The following ROBO2 variants were observed in gnomAD, a reference collection of about 807,000 sequenced individuals.
The protein encoded by ROBO2 is roundabout homolog 2.
In ROBO2, 53 loss-of-function variants were observed where a neutral mutation model predicts 160.8. The observed-to-expected ratio is 0.33, with a 90% CI of 0.26 to 0.41. The LOEUF is 0.41. Ranked by LOEUF, ROBO2 falls within the 10% of genes least tolerant of loss-of-function variation. The probability of loss-of-function intolerance (pLI) is 1.00; values close to 1 mark genes in which losing one functional copy is unlikely to be tolerated. For missense variants in ROBO2, 1,577 were observed against 1,722.4 expected (o/e 0.92, Z 1.49); for synonymous variants, 664 against 611.7 (o/e 1.09, Z -1.26).
At chr3:76,834,015 T>TTTCTTTCTCTCTTTTCC (rs1229096396) in intron 2 of ROBO2, among the ~76,000 whole-genome samples, 11 of 138,746 alleles carry the variant, frequency 7.9e-5, no homozygotes, top group Admixed American at 7.9e-4. Flanking sequence ...CTTTCTTTCC[T>TTTCTTTCTCTCTTTTCC]TTCTTTCTTT....
At chr3:77,041,104 T>C (rs1578452828) in intron 1 of ROBO2, among the ~76,000 whole-genome samples, 1 of 152,330 alleles carries the variant, frequency 6.6e-6, no homozygotes, top group Non-Finnish European at 1.5e-5. Flanking sequence ...AGTTGGATAA[T>C]AAATGATTGG....
intron 21 of ROBO2, among the ~76,000 whole-genome samples, chr3:77,616,649 C>G (rs2094784678): frequency 6.6e-6 from 1 of 151,932 alleles, no homozygotes; most frequent in Non-Finnish European, 1.5e-5. Flanking sequence ...TTTATCTTTT[C>G]CTTGTCTGTG....
intron 2 of ROBO2, among the ~76,000 whole-genome samples, chr3:77,237,086 T>A (rs1228708583): frequency 1.3e-5 from 2 of 152,026 alleles, no homozygotes; most frequent in African/African-American, 4.8e-5. Flanking sequence ...TTGGCCAGGC[T>A]CTTCTCCAAT....
intron 6 of ROBO2, among the ~76,000 whole-genome samples, chr3:77,543,913 A>G (rs9309771): frequency 0.54 from 81,720 of 151,896 alleles, 22,082 homozygotes; most frequent in Middle Eastern, 0.68. Flanking sequence ...GATTTTGACC[A>G]AACTGAGTTT....
At chr3:76,969,553 T>C (rs1464382511) in intron 2 of ROBO2, among the ~76,000 whole-genome samples, 1 of 152,190 alleles carries the variant, frequency 6.6e-6, no homozygotes, top group African/African-American at 2.4e-5. Flanking sequence ...AGAAGAGATT[T>C]GTTAAAAATA....
intron 2 of ROBO2, among the ~76,000 whole-genome samples, chr3:76,510,169 T>G (rs1312523277): frequency 6.6e-6 from 1 of 152,172 alleles, no homozygotes; most frequent in Admixed American, 6.5e-5. Context: ...GCTTATTCTC[T>G]ACTTTGTGGT....
intron 2 of ROBO2, among the ~76,000 whole-genome samples, chr3:76,426,258 A>G (rs1464421059): frequency 6.6e-6 from 1 of 152,194 alleles, no homozygotes; most frequent in Admixed American, 6.5e-5. Context: ...ATCCTGGAGT[A>G]CAGCACCTCT....
At chr3:76,113,399 A>G (rs896097777) in intron 2 of ROBO2, among the ~76,000 whole-genome samples, 1 of 152,098 alleles carries the variant, frequency 6.6e-6, no homozygotes, top group Non-Finnish European at 1.5e-5. Context: ...TTGAAGACAG[A>G]GGTCTTTATC....
intron 2 of ROBO2, among the ~76,000 whole-genome samples, chr3:77,248,001 C>T (rs1182336385): frequency 1.3e-5 from 2 of 152,126 alleles, no homozygotes; most frequent in Non-Finnish European, 2.9e-5. Context: ...CCCACAGCCC[C>T]ACCCCACCCC....
At chr3:76,594,835 C>T (rs2086640297) in intron 2 of ROBO2, among the ~76,000 whole-genome samples, 1 of 151,986 alleles carries the variant, frequency 6.6e-6, no homozygotes, top group Non-Finnish European at 1.5e-5. Context: ...TGTAGCATTA[C>T]AGCTAAAAAG....
At chr3:76,132,805 A>G (rs2071278587) in intron 2 of ROBO2, among the ~76,000 whole-genome samples, 1 of 152,110 alleles carries the variant, frequency 6.6e-6, no homozygotes, top group African/African-American at 2.4e-5. Flanking sequence ...TTTTTCTTAT[A>G]TGTGAATAAG....
At chr3:76,037,260 CTT>C (rs5850229) in intron 2 of ROBO2, among the ~76,000 whole-genome samples, 26 of 137,108 alleles carry the variant, frequency 1.9e-4, no homozygotes, top group Admixed American at 2.9e-4. Context: ...TTTCTTTTTT[CTT>C]TTTTTTTTTT....
intron 2 of ROBO2, among the ~76,000 whole-genome samples, chr3:76,628,664 A>G (rs2089830901): frequency 1.3e-5 from 2 of 152,132 alleles, no homozygotes; most frequent in Non-Finnish European, 2.9e-5. Flanking sequence ...GTTATCTGAT[A>G]TGCTTCTCTT....
intron 6 of ROBO2, 31 bp downstream of exon 7, chr3:77,527,445 T>C: frequency 7.8e-7 from 1 of 1,280,768 alleles, no homozygotes; most frequent in Non-Finnish European, 1.0e-6. Context: ...CCACTAAGCA[T>C]GGCTTTGCAC....
At chr3:76,073,357 G>T (rs6795962) in intron 2 of ROBO2, among the ~76,000 whole-genome samples, 9,407 of 123,816 alleles carry the variant, frequency 0.076, 808 homozygotes, top group African/African-American at 0.22. Flanking sequence ...GCAGGGGCGC[G>T]ATCTGGGCTC....
intron 2 of ROBO2, among the ~76,000 whole-genome samples, chr3:76,935,008 A>G (rs886300192): frequency 6.8e-6 from 1 of 146,952 alleles, no homozygotes; most frequent in Non-Finnish European, 1.5e-5. Context: ...GCTGGAGTTC[A>G]GTGGTCTGAT....
At chr3:77,255,323 C>T (rs755984378) in intron 2 of ROBO2, among the ~76,000 whole-genome samples, 1 of 152,124 alleles carries the variant, frequency 6.6e-6, no homozygotes, top group Non-Finnish European at 1.5e-5. Context: ...CTGTAAAGTG[C>T]GTGAAGTTTT....
At chr3:75,959,766 T>C (rs1250624659) in intron 2 of ROBO2, among the ~76,000 whole-genome samples, 1 of 151,774 alleles carries the variant, frequency 6.6e-6, no homozygotes, top group Non-Finnish European at 1.5e-5. Flanking sequence ...AGTTACTTAC[T>C]TTAGTCTTTG....
At chr3:77,493,178 A>G (rs2086348423) in intron 4 of ROBO2, 66 bp from the exon 5 acceptor site, 4 of 1,559,572 alleles carry the variant, frequency 2.6e-6, no homozygotes, top group Non-Finnish European at 3.5e-6. Flanking sequence ...TGCTTTTTTC[A>G]TAATGTACTT....
Sources: gnomAD v4.1 joint callset for allele counts (sites outside exome capture counted in the v4.1 genomes callset) on GRCh38, gnomAD v4.1.1 for gene constraint, MANE v1.5 for transcripts, NCBI Gene and HGNC (gene_info 2026-07-23, HGNC 2026-07-21) for gene names.